Variants in ZNF106 observed in about 807,000 individuals in gnomAD.
ZNF106 encodes the protein zinc finger protein 106.
A neutral mutation model predicts 195.1 loss-of-function variants in ZNF106; 67 were observed. That is an observed-to-expected ratio of 0.34 (90% confidence interval 0.28 to 0.42). ZNF106 has a LOEUF of 0.42. Ranked by LOEUF, ZNF106 falls within the 10% of genes least tolerant of loss-of-function variation. The pLI, the probability that ZNF106 is intolerant of heterozygous loss-of-function variation, is 1.00. For synonymous variants in ZNF106, 784 were observed against 818.6 expected, an observed-to-expected ratio of 0.96 and a Z score of 0.72; for missense variants, 2,118 against 2,304.5, an observed-to-expected ratio of 0.92 and a Z score of 1.66.
chr15:42,481,995 C>G (rs1316647304), intron 1 of ZNF106, among the ~76,000 whole-genome samples: 1 of 152,128 alleles, frequency 6.6e-6, no homozygotes, highest in Non-Finnish European at 1.5e-5. Flanking sequence ...AAATATTGAT[C>G]CCAGGTCACT....
chr15:42,429,088 T>C, intron 14 of ZNF106, among the ~76,000 whole-genome samples: 1 of 151,660 alleles, frequency 6.6e-6, no homozygotes, highest in East Asian at 1.9e-4. Flanking sequence ...CCAACTAGAT[T>C]GTACTAGCAA....
At chr15:42,438,534 T>C (rs2055372509) in intron 12 of ZNF106, 78 bp downstream of exon 12, 1 of 1,238,556 alleles carries the variant, frequency 8.1e-7, no homozygotes, top group African/African-American at 1.5e-5. Context: ...TATATTTAAG[T>C]AGGTTTAAAT....
At chr15:42,433,421 C>T (rs908260875) in intron 14 of ZNF106, among the ~76,000 whole-genome samples, 1 of 151,798 alleles carries the variant, frequency 6.6e-6, no homozygotes, top group African/African-American at 2.4e-5. Flanking sequence ...ATATTTTTAG[C>T]TCACCATTTT....
chr15:42,460,567 A>G (rs2056364238), intron 3 of ZNF106, among the ~76,000 whole-genome samples: 1 of 152,256 alleles, frequency 6.6e-6, no homozygotes, highest in Non-Finnish European at 1.5e-5. Flanking sequence ...CAATAAGTGC[A>G]GTATAAAAGT....
chr15:42,427,887 G>T, intron 15 of ZNF106, 131 bp downstream of exon 15: 1 of 678,144 alleles, frequency 1.5e-6, no homozygotes. Context: ...AACTGTGTTT[G>T]AGTAGTGGCT....
At chr15:42,419,865 G>A (rs773280775) in intron 20 of ZNF106, among the ~76,000 whole-genome samples, 114 of 152,226 alleles carry the variant, frequency 7.5e-4, no homozygotes, top group Non-Finnish European at 1.1e-3. Context: ...CAGGAGAATC[G>A]CTTGAACCAG....
intron 1 of ZNF106, among the ~76,000 whole-genome samples, chr15:42,485,024 C>T (rs1263726731): frequency 1.3e-5 from 2 of 151,886 alleles, no homozygotes; most frequent in African/African-American, 4.8e-5. Context: ...GCTTGCATGC[C>T]TGTAATCCCA....
intron 9 of ZNF106, among the ~76,000 whole-genome samples, chr15:42,443,230 G>C (rs2055623451): frequency 6.6e-6 from 1 of 152,122 alleles, no homozygotes; most frequent in Non-Finnish European, 1.5e-5. Flanking sequence ...TAATGGAAGG[G>C]AGAAGATTTG....
rs137908783 is a variant in ZNF106 at position 42,451,067 on chromosome 15, A to G, written c.1205T>C (p.Leu402Pro). ...GNKSEMIEKP[L>P]FDFSLITTGI... ...TGTAGTTATCAAGCTAAAATCAAAG[A>G]GAGGTTTCTCTATCATTTCTGACTT... Residue 402 changes from leucine to proline, a missense_variant, in exon 5 of 22, where the codon CTC becomes CCC. By Grantham distance (98) the Leu-to-Pro change is moderately conservative. Transcript: ENST00000564754. The G allele has an allele frequency of 1.2e-3, 1,933 of 1,614,194 alleles. 5 individuals are homozygous for G. The highest frequency in any genetic ancestry group is 2.1e-3 in the Admixed American group (129 of 60,026).
rs141505106 is a variant in ZNF106, at chr15:42,442,364, G to C, written c.3472C>G (p.Arg1158Gly). ...TGAGATCTACTGTTCCTTCGTTCTC[G>C]TGTGAGGCTACAGGGAACCTGGTCT... is the stretch of plus-strand genomic sequence containing the variant. ...HPDQVPCSLT[R>G]ERRNSRSQTS... Residue 1158 changes from arginine (R) to glycine (G), a missense_variant, in exon 10 of 22, where the codon CGA (arginine) becomes GGA (glycine). Coordinates refer to ENST00000564754, the MANE Select transcript of ZNF106 (RefSeq NM_001366845.3). 8.6e-4 allele frequency: 1,391 copies of C among 1,614,130 alleles called. 1 individual carries two copies. The highest frequency in any genetic ancestry group is 1.1e-3 in the Non-Finnish European group (1,325 of 1,180,004).
At chr15:42,417,384 C>A (rs1237582339) in intron 21 of ZNF106, 24 bp from the exon 22 acceptor site, 3 of 1,613,472 alleles carry the variant, frequency 1.9e-6, no homozygotes, top group Non-Finnish European at 2.5e-6. Context: ...GAAAAGGGCC[C>A]ATGAGAGAGA....
rs767622186 is a variant in ZNF106, at chr15:42,428,137, G to GCCCCC, written c.4882-4_4882-3insGGGGG. 1 of 1,613,060 alleles carries GCCCCC rather than the reference G, an allele frequency of 6.2e-7. No individual in the cohort carries two copies. The highest frequency in any genetic ancestry group is 1.1e-5 in the South Asian group (1 of 91,044). ...AACTGCTCCACACACTCTCGGCTCT[G>GCCCCC]ATAAAAGCACACAACCTTTAATCAG... On this transcript the variant is annotated splice_region_variant and splice_polypyrimidine_tract_variant and intron_variant, in intron 14 of 21. Transcript: ENST00000564754.
rs1409007820 is a variant in ZNF106, at chr15:42,445,422, GTTT to G, written c.3206-444_3206-442del. On this transcript the variant is annotated intron_variant, in intron 7 of 21. Transcript: ENST00000564754. ...TAGTCTGTTAGTTGACTTAAAAATT[GTTT>G]TTATTAGAGAAGACTTCCTGAAGAA... 3.9e-5 allele frequency among the ~76,000 whole-genome samples: 6 copies of G among 152,290 alleles called. No individual in the cohort carries two copies. The South Asian group carries it at 1.0e-3, about 26-fold the overall frequency.
intron 1 of ZNF106, among the ~76,000 whole-genome samples, chr15:42,485,279 G>T (rs565332598): frequency 3.1e-4 from 47 of 152,244 alleles, no homozygotes; most frequent in African/African-American, 1.1e-3. Flanking sequence ...GTGATGCAAG[G>T]TTTATGTGTT....
At chr15:42,478,770 T>C (rs1354293018) in intron 1 of ZNF106, among the ~76,000 whole-genome samples, 8 of 151,978 alleles carry the variant, frequency 5.3e-5, no homozygotes, top group African/African-American at 1.9e-4. Flanking sequence ...CCTTGGCCTC[T>C]GAAAGTGCTG....
chr15:42,475,398 C>T (rs1219628469), intron 1 of ZNF106, among the ~76,000 whole-genome samples: 2 of 152,102 alleles, frequency 1.3e-5, no homozygotes, highest in Non-Finnish European at 2.9e-5. Context: ...GCCGAGATGA[C>T]GCCCCTGCAC....
At chr15:42,457,941 C>A (rs566661956) in intron 3 of ZNF106, among the ~76,000 whole-genome samples, 2 of 152,138 alleles carry the variant, frequency 1.3e-5, no homozygotes, top group Non-Finnish European at 2.9e-5. Flanking sequence ...ATACTTCATG[C>A]AAATCTCACT....
intron 1 of ZNF106, among the ~76,000 whole-genome samples, chr15:42,485,089 C>T (rs1463776153): frequency 6.6e-6 from 1 of 152,116 alleles, no homozygotes; most frequent in Non-Finnish European, 1.5e-5. Flanking sequence ...GCAGAGGTTG[C>T]AGTGAGCCAA....
chr15:42,484,885 C>T (rs1265433137), intron 1 of ZNF106, among the ~76,000 whole-genome samples: 2 of 152,178 alleles, frequency 1.3e-5, no homozygotes, highest in African/African-American at 2.4e-5. Context: ...GTTGACCAGG[C>T]GCGGTAGCTC....
Sources: allele counts gnomAD v4.1 joint callset (sites outside exome capture counted in the v4.1 genomes callset), GRCh38; gene constraint gnomAD v4.1.1; transcripts MANE v1.5; gene names NCBI Gene and HGNC (gene_info 2026-07-23, HGNC 2026-07-21).